The following WWP2 variants were observed in gnomAD, a reference collection of about 807,000 sequenced individuals.
WWP2 encodes the protein NEDD4-like E3 ubiquitin-protein ligase WWP2.
WWP2 carries 57 observed loss-of-function variants against 121.0 expected under a neutral mutation model. The observed-to-expected ratio is 0.47, with a 90% CI of 0.38 to 0.59. The LOEUF (loss-of-function observed/expected upper bound fraction) is 0.59, where lower values mean the gene tolerates loss of function less well. Among genes scored for constraint, WWP2 ranks in the 20% least tolerant of loss-of-function variants. The pLI is 0.00. For synonymous variants in WWP2, 449 were observed against 441.3 expected (o/e 1.02, Z -0.22); for missense variants, 962 against 1,158.9 (o/e 0.83, Z 2.47).
At chr16:69,876,750 G>T (rs1355413345) in intron 7 of WWP2, among the ~76,000 whole-genome samples, 3 of 152,184 alleles carry the variant, frequency 2.0e-5, no homozygotes, top group African/African-American at 7.2e-5. Flanking sequence ...GTGTTAGCGG[G>T]CATGAAAACA....
intron 7 of WWP2, among the ~76,000 whole-genome samples, chr16:69,882,111 C>T (rs1022346689): frequency 2.0e-5 from 3 of 152,038 alleles, no homozygotes; most frequent in East Asian, 1.9e-4. Flanking sequence ...TGAGCCACCG[C>T]GCCCAGCCTA....
At chr16:69,884,453 A>G (rs1012430062) in intron 7 of WWP2, among the ~76,000 whole-genome samples, 1 of 152,074 alleles carries the variant, frequency 6.6e-6, no homozygotes, top group African/African-American at 2.4e-5. Flanking sequence ...GTGAGACCCT[A>G]TCTCTACAAA....
At position 69,938,180 on chromosome 16, in the gene WWP2, A is replaced by AT. The variant is rs536681988; in HGVS notation, c.2343+540dup. Among the ~76,000 whole-genome samples, 1,176 of 148,480 alleles carry AT rather than the reference A, an allele frequency of 7.9e-3. 7 individuals are homozygous for AT. Among genetic ancestry groups the AT allele is most frequent in the African/African-American group, 0.014 (578 of 40,736 alleles). On this transcript the variant is annotated intron_variant, in intron 21 of 23. Coordinates refer to ENST00000359154, the MANE Select transcript of WWP2 (RefSeq NM_001270454.2). ...TTGTATAACATACAATTAACTATTA[A>AT]TTTTTTTTTTTTCAATAGAGACAGG...
chr16:69,808,775 T>C (rs2056331583), intron 4 of WWP2, among the ~76,000 whole-genome samples: 1 of 152,246 alleles, frequency 6.6e-6, no homozygotes, highest in African/African-American at 2.4e-5. Context: ...CATTCTCCTA[T>C]TGGTAGACAT....
chr16:69,847,428 A>G (rs556545112), intron 6 of WWP2, among the ~76,000 whole-genome samples: 4 of 141,538 alleles, frequency 2.8e-5, no homozygotes, highest in South Asian at 2.2e-4. Flanking sequence ...AATTTTTTTG[A>G]GATGGAGTTT....
intron 1 of WWP2, among the ~76,000 whole-genome samples, chr16:69,778,188 A>AT (rs1294958172): frequency 1.2e-3 from 118 of 95,608 alleles, no homozygotes; most frequent in East Asian, 3.8e-3. Flanking sequence ...ATATATATAT[A>AT]TATATTTTTT....
intron 1 of WWP2, among the ~76,000 whole-genome samples, chr16:69,781,234 G>T (rs1315058651): frequency 6.6e-6 from 1 of 152,128 alleles, no homozygotes; most frequent in Non-Finnish European, 1.5e-5. Context: ...ATGAGGGTGG[G>T]GGGATACTGG....
intron 4 of WWP2, among the ~76,000 whole-genome samples, chr16:69,833,600 G>A (rs570186249): frequency 1.5e-4 from 23 of 152,188 alleles, no homozygotes; most frequent in Non-Finnish European, 3.2e-4. Context: ...AGCATTAGAA[G>A]GTATTGGTAA....
At chr16:69,771,592 T>C (rs2055417037) in intron 1 of WWP2, among the ~76,000 whole-genome samples, 1 of 152,228 alleles carries the variant, frequency 6.6e-6, no homozygotes, top group African/African-American at 2.4e-5. Context: ...GTGTTAGTCA[T>C]CCAACTTTGT....
In WWP2 at chr16:69,925,542, C is replaced by A; in HGVS notation, c.1234+58C>A. The A allele has an allele frequency of 6.3e-7, 1 of 1,596,250 alleles. No homozygotes were observed. The highest frequency in any genetic ancestry group is 8.6e-7 in the Non-Finnish European group (1 of 1,169,536). On this transcript the variant is annotated intron_variant, in intron 11 of 23. Coordinates refer to ENST00000359154, the MANE Select transcript of WWP2 (RefSeq NM_001270454.2). The surrounding 1 kb of genome is among the most constrained non-coding windows in gnomAD (Gnocchi z 4.0). ...CTTCCGTCAGCCACGGTGCTCTGTC[C>A]TCTCCTCCCGCGTGTCTTCCTTCCC... is the stretch of plus-strand genomic sequence containing the variant.
chr16:69,813,170 T>TG (rs2056427091), intron 4 of WWP2, among the ~76,000 whole-genome samples: 1 of 151,882 alleles, frequency 6.6e-6, no homozygotes, highest in African/African-American at 2.4e-5. Context: ...AATTTTTTTT[T>TG]TTTTTTTTTG....
intron 6 of WWP2, among the ~76,000 whole-genome samples, chr16:69,848,996 TC>T (rs2057145359): frequency 6.6e-6 from 1 of 152,256 alleles, no homozygotes; most frequent in South Asian, 2.1e-4. Flanking sequence ...ATTTATTGGC[TC>T]CCTTGCCTTG....
intron 8 of WWP2, among the ~76,000 whole-genome samples, chr16:69,897,731 A>G (rs2058128574): frequency 6.6e-6 from 1 of 152,006 alleles, no homozygotes; most frequent in African/African-American, 2.4e-5. Context: ...AATGTGGTGA[A>G]ACCCCATCTC....
At chr16:69,804,528 C>G (rs936129761) in intron 4 of WWP2, among the ~76,000 whole-genome samples, 2 of 152,156 alleles carry the variant, frequency 1.3e-5, no homozygotes, top group East Asian at 3.8e-4. Flanking sequence ...TAGGGACTTT[C>G]CATTGAATCC....
intron 9 of WWP2, chr16:69,917,473 G>A: frequency 2.3e-6 from 1 of 441,012 alleles, no homozygotes; most frequent in Non-Finnish European, 4.1e-6. Context: ...CTGAGGTTGG[G>A]AACAGAGTCA....
chr16:69,782,085 C>G (rs943528794), intron 1 of WWP2, among the ~76,000 whole-genome samples: 16 of 152,092 alleles, frequency 1.1e-4, no homozygotes, highest in African/African-American at 3.6e-4. Context: ...GAGTTCGAGA[C>G]CAGCTTGGCC....
intron 9 of WWP2, chr16:69,910,476 TC>T (rs2058363097): frequency 1.8e-6 from 1 of 544,112 alleles, no homozygotes; most frequent in Non-Finnish European, 2.3e-6. Context: ...TGGTGCAATC[TC>T]CAGCTCACTG....
intron 4 of WWP2, among the ~76,000 whole-genome samples, chr16:69,808,788 G>T (rs2056332007): frequency 6.6e-6 from 1 of 152,184 alleles, no homozygotes; most frequent in East Asian, 1.9e-4. Flanking sequence ...GTAGACATTT[G>T]AGTTGTTTCC....
At chr16:69,932,713 A>G (rs2058735130) in intron 16 of WWP2, among the ~76,000 whole-genome samples, 1 of 152,200 alleles carries the variant, frequency 6.6e-6, no homozygotes, top group African/African-American at 2.4e-5. Flanking sequence ...TGCATGTCAC[A>G]TGCCTGGGGT....
Sources: gnomAD v4.1 joint callset for allele counts (sites outside exome capture counted in the v4.1 genomes callset) on GRCh38, gnomAD v4.1.1 for gene constraint, Gnocchi (gnomAD v3.1) non-coding constraint, MANE v1.5 for transcripts, NCBI Gene and HGNC (gene_info 2026-07-23, HGNC 2026-07-21) for gene names.